TPO: variants seen among roughly 807,000 people sequenced by gnomAD.
TPO encodes thyroid microsomal antigen.
A neutral mutation model predicts 96.9 loss-of-function variants in TPO; 78 were observed. That is an observed-to-expected ratio of 0.81 (90% CI 0.67 to 0.97). The LOEUF (loss-of-function observed/expected upper bound fraction) is 0.97, where lower values mean the gene tolerates loss of function less well. TPO is among the 50% of genes least tolerant of loss of function. The probability of loss-of-function intolerance (pLI) is 0.00; values close to 1 mark genes in which losing one functional copy is unlikely to be tolerated. For synonymous variants in TPO, 547 were observed against 538.0 expected, an observed-to-expected ratio of 1.02 and a Z score of -0.23; for missense variants, 1,252 against 1,274.8, an observed-to-expected ratio of 0.98 and a Z score of 0.27.
chr2:1,479,310 G>A (rs1189931735), intron 8 of TPO, among the ~76,000 whole-genome samples: 1 of 152,220 alleles, frequency 6.6e-6, no homozygotes, highest in Non-Finnish European at 1.5e-5. Context: ...ACCTCCACGG[G>A]CAGATGTTCA....
chr2:1,383,490 T>C (rs1661841299), intron 1 of TPO, among the ~76,000 whole-genome samples: 1 of 152,180 alleles, frequency 6.6e-6, no homozygotes, highest in Admixed American at 6.5e-5. Context: ...TGATGAGCAG[T>C]TTTTCATGTG....
rs568930699 is a variant in TPO, at chr2:1,456,055, C to A, written c.613-21C>A. 7 of 1,611,462 alleles carry A rather than the reference C, an allele frequency of 4.3e-6. No individual in the cohort carries two copies. In the African/African-American group the frequency reaches 8.0e-5, roughly 18 times the overall value. On this transcript the variant is annotated intron_variant, in intron 6 of 16. Coordinates refer to ENST00000329066, the MANE Select transcript of TPO (RefSeq NM_001206744.2). ...CCACAGGGTCCTCCTATGTCCTGAC[C>A]AATGGTCTCTTCCTACCCAGGTCCG...
rs144229851 is a variant in TPO, at chr2:1,400,699, A to T, written n.180+26297A>T. On this transcript the variant is annotated intron_variant and non_coding_transcript_variant, in intron 1 of 5. Coordinates refer to the TPO transcript ENST00000497517. ...ACAAATGAAAACGTAAATTTCCTTC[A>T]CGTTTCAGTGGAACTGATGCAGGCT... Among the ~76,000 whole-genome samples, 662 of 150,260 alleles carry T rather than the reference A, an allele frequency of 4.4e-3. 2 individuals are homozygous for T. Among genetic ancestry groups the T allele is most frequent in the Non-Finnish European group, 7.0e-3 (477 of 67,844 alleles).
chr2:1,424,268 G>A (rs1294888268), intron 3 of TPO, among the ~76,000 whole-genome samples: 5 of 150,550 alleles, frequency 3.3e-5, no homozygotes, highest in Non-Finnish European at 5.9e-5. Context: ...TCAGTAGGAC[G>A]GAATGTCTGG....
At chr2:1,484,542 C>A in intron 8 of TPO, 54 bp from the exon 9 acceptor site, 4 of 1,612,184 alleles carry the variant, frequency 2.5e-6, no homozygotes, top group Non-Finnish European at 3.4e-6. Context: ...CCGCTCGAGG[C>A]GACCCTCCTC....
chr2:1,406,608 C>T (rs1035494289), intron 1 of TPO, among the ~76,000 whole-genome samples: 2 of 152,244 alleles, frequency 1.3e-5, no homozygotes, highest in Non-Finnish European at 2.9e-5. Flanking sequence ...CAGAGCTCAT[C>T]GGCCTGAGGG....
At chr2:1,495,813 C>T (rs1207628644) in intron 11 of TPO, among the ~76,000 whole-genome samples, 176 bp from the exon 12 acceptor site, 3 of 152,164 alleles carry the variant, frequency 2.0e-5, no homozygotes, top group Admixed American at 2.0e-4. Context: ...GGGCAGACGC[C>T]ACAGGGTCTC....
intron 2 of TPO, among the ~76,000 whole-genome samples, chr2:1,415,929 A>G (rs1662915726): frequency 6.6e-6 from 1 of 152,078 alleles, no homozygotes; most frequent in African/African-American, 2.4e-5. Flanking sequence ...GGCTCCTTAA[A>G]AAAACTCTCC....
chr2:1,539,610 G>T (rs983931930), intron 15 of TPO, among the ~76,000 whole-genome samples: 3 of 152,180 alleles, frequency 2.0e-5, no homozygotes, highest in African/African-American at 4.8e-5. Context: ...GGCGGTGCTG[G>T]AATGGCTATG....
intron 15 of TPO, among the ~76,000 whole-genome samples, chr2:1,537,521 A>G (rs1227358046): frequency 0.013 from 361 of 28,830 alleles, 2 homozygotes; most frequent in Middle Eastern, 0.029. Context: ...ACTCTGTGCA[A>G]CCTCCGCCTA....
chr2:1,521,493 C>A (rs936284640), intron 15 of TPO, among the ~76,000 whole-genome samples: 1 of 152,128 alleles, frequency 6.6e-6, no homozygotes, highest in South Asian at 2.1e-4. Flanking sequence ...CCCCAGGGAC[C>A]CTCCTCCCCC....
intron 15 of TPO, among the ~76,000 whole-genome samples, chr2:1,528,553 C>T (rs1259070568): frequency 1.4e-5 from 2 of 145,586 alleles, no homozygotes; most frequent in African/African-American, 5.2e-5. Context: ...CCCTCCCACT[C>T]TTTGCAAACT....
At chr2:1,377,546 G>A (rs1242580756) in intron 1 of TPO, among the ~76,000 whole-genome samples, 4 of 152,186 alleles carry the variant, frequency 2.6e-5, no homozygotes, top group African/African-American at 9.7e-5. Context: ...AATGAACCCA[G>A]ACAGAGTCTT....
intron 1 of TPO, among the ~76,000 whole-genome samples, chr2:1,383,390 G>C (rs1044991483): frequency 6.6e-6 from 1 of 152,168 alleles, no homozygotes; most frequent in Non-Finnish European, 1.5e-5. Context: ...AGCACCTGTT[G>C]TTTCCTGAGC....
chr2:1,411,589 C>T (rs1007486604), upstream of TPO, among the ~76,000 whole-genome samples: 8 of 152,214 alleles, frequency 5.3e-5, no homozygotes, highest in Admixed American at 2.0e-4. Flanking sequence ...TAACAAAGGG[C>T]CACGTGCTTA....
chr2:1,453,043 A>C (rs1667450317), intron 5 of TPO, among the ~76,000 whole-genome samples: 1 of 152,258 alleles, frequency 6.6e-6, no homozygotes, highest in African/African-American at 2.4e-5. Context: ...TATTGGCTGA[A>C]GCCATTGTCA....
Position 1,456,263 on chromosome 2 carries a change from AC to A in TPO, c.803del (p.Pro268HisfsTer50), listed in dbSNP as rs1667778814. On this transcript the variant is annotated frameshift_variant, in exon 7 of 17. Coordinates refer to ENST00000329066, the MANE Select transcript of TPO (RefSeq NM_001206744.2). LOFTEE classifies it high-confidence loss of function. ...ADCQMTCENQ[N>X]PCFPIQLPEE... ...TGCCAGATGACTTGTGAGAACCAAAACCCATGTTTTCCCATACAAGTAAGTT... is the reference window on the plus strand; with the variant it reads ...TGCCAGATGACTTGTGAGAACCAAAACCATGTTTTCCCATACAAGTAAGTT... 6.2e-7 allele frequency: 1 copy of A among 1,613,910 alleles called. No homozygotes were observed. Among genetic ancestry groups the A allele is most frequent in the Non-Finnish European group, 8.5e-7 (1 of 1,180,012 alleles).
At chr2:1,393,660 A>G (rs1477112949) in intron 1 of TPO, among the ~76,000 whole-genome samples, 1 of 152,244 alleles carries the variant, frequency 6.6e-6, no homozygotes, top group African/African-American at 2.4e-5. Flanking sequence ...CAAGGCAAAA[A>G]CTGCAGAAAT....
intron 3 of TPO, among the ~76,000 whole-genome samples, chr2:1,432,275 G>A (rs1665057557): frequency 1.3e-5 from 2 of 152,252 alleles, no homozygotes; most frequent in African/African-American, 4.8e-5. Context: ...CATTCTGCAG[G>A]TGCCTGGACA....
Sources: allele counts gnomAD v4.1 joint callset (sites outside exome capture counted in the v4.1 genomes callset), GRCh38; gene constraint gnomAD v4.1.1; transcripts MANE v1.5; gene names NCBI Gene and HGNC (gene_info 2026-07-23, HGNC 2026-07-21).